Variants in ADAD1 observed in about 807,000 individuals in gnomAD.
ADAD1 encodes adenosine deaminase domain-containing protein 1.
Under a neutral mutation model 66.8 loss-of-function variants are expected in ADAD1, and 46 were observed. The observed-to-expected ratio is 0.69, with a 90% confidence interval of 0.54 to 0.88. ADAD1 has a LOEUF of 0.88. ADAD1 is among the 40% of genes least tolerant of loss of function. The pLI, the probability that ADAD1 is intolerant of heterozygous loss-of-function variation, is 0.00. For missense variants in ADAD1, 617 were observed against 681.8 expected (o/e 0.91, Z 1.06); for synonymous variants, 248 against 229.4 (o/e 1.08, Z -0.73).
intron 10 of ADAD1, among the ~76,000 whole-genome samples, chr4:122,414,604 A>C (rs1157556669): frequency 2.0e-5 from 3 of 152,112 alleles, no homozygotes; most frequent in Non-Finnish European, 4.4e-5. Flanking sequence ...CTATCTCAAC[A>C]ATTTTAATCA....
In ADAD1 at chr4:122,409,986, G is replaced by A. The variant is rs1012872661; in HGVS notation, c.849-1236G>A. On this transcript the variant is annotated intron_variant, in intron 8 of 12. Transcript: ENST00000296513. ...TGAGCCACCGTGCCTGGCCTCTTAC[G>A]GATGTTTTCAAAGACACTCAAGTGA... Among the ~76,000 whole-genome samples, 67 of 152,106 alleles carry A rather than the reference G, an allele frequency of 4.4e-4. 2 individuals are homozygous for A. Among genetic ancestry groups the A allele is most frequent in the South Asian group, 2.1e-4 (1 of 4,810 alleles).
At chr4:122,411,494 T>C in intron 9 of ADAD1, 102 bp downstream of exon 9, 16 of 1,194,216 alleles carry the variant, frequency 1.3e-5, no homozygotes, top group Non-Finnish European at 1.9e-5. Flanking sequence ...ATTACCCGTA[T>C]TTTCTCTTCA....
chr4:122,403,758 C>T (rs1355157430), intron 7 of ADAD1, among the ~76,000 whole-genome samples: 1 of 152,096 alleles, frequency 6.6e-6, no homozygotes, highest in Non-Finnish European at 1.5e-5. Context: ...CCCAAGAGTG[C>T]CTTTTGTCTT....
intron 7 of ADAD1, among the ~76,000 whole-genome samples, chr4:122,400,634 C>T (rs1314558357): frequency 5.9e-5 from 9 of 151,702 alleles, no homozygotes; most frequent in Non-Finnish European, 1.0e-4. Flanking sequence ...TGTTCGGTTG[C>T]GAACTTTTTT....
chr4:122,389,274 C>G (rs180869478), intron 5 of ADAD1, among the ~76,000 whole-genome samples: 1 of 152,088 alleles, frequency 6.6e-6, no homozygotes, highest in Non-Finnish European at 1.5e-5. Flanking sequence ...TGTTTTACTT[C>G]CAATTACATG....
chr4:122,405,755 G>T (rs768915304), intron 7 of ADAD1, among the ~76,000 whole-genome samples: 2 of 151,856 alleles, frequency 1.3e-5, no homozygotes, highest in Non-Finnish European at 2.9e-5. Context: ...CTTTCTAACC[G>T]CTAGTAACCA....
chr4:122,419,839 A>G (rs1580805367), intron 11 of ADAD1, among the ~76,000 whole-genome samples: 1 of 152,338 alleles, frequency 6.6e-6, no homozygotes, highest in Admixed American at 6.5e-5. Context: ...CTCTACAACT[A>G]TTCTAGATTA....
At chr4:122,406,201 A>G (rs1213774793) in intron 7 of ADAD1, among the ~76,000 whole-genome samples, 1 of 152,196 alleles carries the variant, frequency 6.6e-6, no homozygotes, top group South Asian at 2.1e-4. Context: ...CCAACAACAT[A>G]TAAGGGTTTT....
chr4:122,398,895 G>T (rs1442356417), intron 7 of ADAD1, among the ~76,000 whole-genome samples: 2 of 151,630 alleles, frequency 1.3e-5, no homozygotes, highest in African/African-American at 4.9e-5. Context: ...TGCATAGTTT[G>T]CAAAGATTTT....
chr4:122,409,896 G>T (rs1343209221), intron 8 of ADAD1, among the ~76,000 whole-genome samples: 1 of 151,984 alleles, frequency 6.6e-6, no homozygotes, highest in Non-Finnish European at 1.5e-5. Context: ...GAATGTTGCT[G>T]GTCTTGACCT....
intron 11 of ADAD1, among the ~76,000 whole-genome samples, chr4:122,417,473 T>G (rs927929799): frequency 1.3e-5 from 2 of 151,528 alleles, no homozygotes; most frequent in African/African-American, 4.9e-5. Context: ...GACAGAACAG[T>G]TAAGAATGTT....
At chr4:122,408,463 A>C (rs1796320707) in intron 8 of ADAD1, among the ~76,000 whole-genome samples, 1 of 152,178 alleles carries the variant, frequency 6.6e-6, no homozygotes, top group Non-Finnish European at 1.5e-5. Flanking sequence ...TTTAGTAGAG[A>C]CAAGGTTTCA....
intron 9 of ADAD1, 52 bp downstream of exon 9, chr4:122,411,444 C>A: frequency 6.7e-7 from 1 of 1,497,032 alleles, no homozygotes; most frequent in Non-Finnish European, 9.1e-7. Context: ...CCATGCCATA[C>A]ATTCTGACTT....
intron 5 of ADAD1, among the ~76,000 whole-genome samples, chr4:122,386,729 G>A (rs1378728339): frequency 2.6e-5 from 4 of 152,084 alleles, no homozygotes; most frequent in Non-Finnish European, 5.9e-5. Flanking sequence ...GTAAGGAAGG[G>A]GTACAGTTTC....
intron 5 of ADAD1, among the ~76,000 whole-genome samples, chr4:122,391,738 G>C (rs1444811268): frequency 2.6e-5 from 4 of 152,154 alleles, no homozygotes; most frequent in Non-Finnish European, 5.9e-5. Context: ...TTGAGACAGA[G>C]TCTCTCTGTC....
At position 122,415,422 on chromosome 4, in the gene ADAD1, A is replaced by G; in HGVS notation, c.1293A>G (p.Ile431Met). Residue 431 changes from isoleucine to methionine, a missense_variant, in exon 11 of 13, where the codon ATA (isoleucine) becomes ATG (methionine). Ile to Met is a conservative substitution (Grantham distance 10). Transcript: ENST00000296513. ...ATACCAGAGGCTTAGAAATCGCTAT[A>G]AAGCAACGTGTTGATGATGCACTCA... ...CSDTRGLEIA[I>M]KQRVDDALTS... The G allele has an allele frequency of 6.2e-7, 1 of 1,613,916 alleles. No individual in the cohort carries two copies. Among genetic ancestry groups the G allele is most frequent in the Middle Eastern group, 1.7e-4 (1 of 6,058 alleles).
intron 8 of ADAD1, among the ~76,000 whole-genome samples, chr4:122,408,255 A>G (rs2150575268): frequency 6.6e-6 from 1 of 152,264 alleles, no homozygotes; most frequent in Admixed American, 6.5e-5. Flanking sequence ...TATTATTAAG[A>G]ACTGTGAACT....
intron 12 of ADAD1, among the ~76,000 whole-genome samples, chr4:122,422,904 A>G (rs778741729): frequency 1.3e-5 from 2 of 150,168 alleles, no homozygotes; most frequent in Non-Finnish European, 3.0e-5. Flanking sequence ...GTGAGCTATA[A>G]TCACACCACT....
chr4:122,391,658 C>T (rs1030432057), intron 5 of ADAD1, among the ~76,000 whole-genome samples: 3 of 152,130 alleles, frequency 2.0e-5, no homozygotes, highest in South Asian at 2.1e-4. Context: ...CTGCCACAGC[C>T]GGTATGTTGG....
Sources: allele counts gnomAD v4.1 joint callset (sites outside exome capture counted in the v4.1 genomes callset), GRCh38; gene constraint gnomAD v4.1.1; transcripts MANE v1.5; gene names NCBI Gene and HGNC (gene_info 2026-07-23, HGNC 2026-07-21).